PDP2: variants seen among roughly 807,000 people sequenced by gnomAD.
PDP2 encodes the protein pyruvate dehydrogenase phosphatase catalytic subunit 2, also known as [Pyruvate dehydrogenase [acetyl-transferring]]-phosphatase 2, mitochondrial.
PDP2 carries 23 observed loss-of-function variants against 34.2 expected under a neutral mutation model. The ratio of observed to expected loss-of-function variants is 0.67; its 90% confidence interval spans 0.48 to 0.95. The LOEUF is 0.95. Ranked by LOEUF, PDP2 falls within the 40% of genes least tolerant of loss-of-function variation. The pLI, the probability that PDP2 is intolerant of heterozygous loss-of-function variation, is 0.00. For synonymous variants in PDP2, 275 were observed against 269.2 expected, an observed-to-expected ratio of 1.02 and a Z score of -0.21; for missense variants, 571 against 659.6, an observed-to-expected ratio of 0.87 and a Z score of 1.47.
chr16:66,885,987 G>A lies in PDP2; in HGVS notation c.*113G>A. The A allele has an allele frequency of 3.6e-6, 4 of 1,106,800 alleles. No homozygotes were observed. The highest frequency in any genetic ancestry group is 1.6e-5 in the South Asian group (1 of 64,010). The allele number at this position is 1,106,800 out of a possible 1,614,324, so 68.6% of individuals were successfully genotyped here. A position where few individuals can be genotyped will look rare whatever the true frequency, so the allele number is the denominator to read the frequency against. ...TTAAAAGCGCAGGCAGATTTAATTT[G>A]CTAAATAGACTAACAGGAGGAAAAA... On this transcript the variant is annotated 3_prime_UTR_variant, in exon 2 of 2. Coordinates refer to ENST00000311765, the MANE Select transcript of PDP2 (RefSeq NM_020786.4). This position sits in a 1 kb window ranked among gnomAD's most constrained non-coding sequence, Gnocchi z 4.6.
Position 66,884,733 on chromosome 16 carries a change from A to G in PDP2, c.449A>G (p.Gln150Arg), listed in dbSNP as rs1248694484. The G allele has an allele frequency of 1.2e-6, 2 of 1,614,080 alleles. No individual in the cohort carries two copies. The highest frequency in any genetic ancestry group is 1.7e-6 in the Non-Finnish European group (2 of 1,180,046). Residue 150 changes from glutamine to arginine, a missense_variant, in exon 2 of 2, where the codon CAA becomes CGA. Physicochemically the swap from Gln to Arg is conservative, Grantham distance 43 (BLOSUM62 1). Coordinates refer to ENST00000311765, the MANE Select transcript of PDP2 (RefSeq NM_020786.4). ...FDGHGGHACAQAVSERLFYYV... is the reference protein window; with the variant it reads ...FDGHGGHACARAVSERLFYYV... ...GGACATGGTGGTCATGCATGTGCCC[A>G]AGCAGTGAGCGAGAGGCTCTTCTAC...
At chr16:66,882,450 CA>C (rs113896860) in intron 1 of PDP2, among the ~76,000 whole-genome samples, 2 of 145,966 alleles carry the variant, frequency 1.4e-5, no homozygotes, top group Non-Finnish European at 3.0e-5. Context: ...CAAAACAAAA[CA>C]AAAAAAAACC....
At position 66,884,272 on chromosome 16, in the gene PDP2, G is replaced by A. The variant is rs777001384; in HGVS notation, c.-13G>A. The A allele has an allele frequency of 2.0e-6, 3 of 1,533,278 alleles. No individual in the cohort carries two copies. Among genetic ancestry groups the A allele is most frequent in the Non-Finnish European group, 1.8e-6 (2 of 1,136,840 alleles). 95.0% of individuals were successfully genotyped at this position (1,533,278 alleles called of 1,614,324 possible). A position where few individuals can be genotyped will look rare whatever the true frequency, so the allele number is the denominator to read the frequency against. On this transcript the variant is annotated 5_prime_UTR_variant, in exon 2 of 2. Coordinates refer to ENST00000311765, the MANE Select transcript of PDP2 (RefSeq NM_020786.4). ...TTTTGCTGAAGGAACACATTTGCTG[G>A]TATAGTTTCAGAATGTCAAGTACTG...
intron 1 of PDP2, among the ~76,000 whole-genome samples, chr16:66,881,433 A>T (rs374778779): frequency 7.3e-4 from 85 of 116,278 alleles, no homozygotes; most frequent in African/African-American, 3.1e-3. Context: ...TTTTTTTTTA[A>T]TTTAATTTAA....
In PDP2 at chr16:66,885,563, G is replaced by C. The variant is rs773595909; in HGVS notation, c.1279G>C (p.Val427Leu). ...GAGCAATGAGGACGTGGTAAGGCTG[G>C]TGGTGGGGCACCTGGCTGAGGCAGA... is the stretch of plus-strand genomic sequence containing the variant. ...MLSNEDVVRL[V>L]VGHLAEADWH... Residue 427 changes from valine (V) to leucine (L), a missense_variant, in exon 2 of 2, where the codon GTG becomes CTG. Val to Leu is a conservative substitution (Grantham distance 32, BLOSUM62 1). This residue lies in a region of PDP2 where 281 missense variants were observed against 375.8 expected (regional missense o/e 0.75). Transcript: ENST00000311765. The surrounding 1 kb of genome is among the most constrained non-coding windows in gnomAD (Gnocchi z 4.6). 5.0e-6 allele frequency: 8 copies of C among 1,614,128 alleles called. No homozygotes were observed. The highest frequency in any genetic ancestry group is 5.9e-6 in the Non-Finnish European group (7 of 1,180,048).
rs1426362334 is a variant in PDP2 at position 66,890,565 on chromosome 16, A to G, written c.*4691A>G. ...TTGAGTTACTTAAAGAAGATACAGT[A>G]TAATTAATTATACAGAACAAAACAA... is the stretch of plus-strand genomic sequence containing the variant. On this transcript the variant is annotated 3_prime_UTR_variant, in exon 2 of 2. Coordinates refer to ENST00000311765, the MANE Select transcript of PDP2 (RefSeq NM_020786.4). 1 of 152,246 alleles carries G rather than the reference A, an allele frequency of 6.6e-6. No individual in the cohort carries two copies. Among genetic ancestry groups the G allele is most frequent in the Non-Finnish European group, 1.5e-5 (1 of 68,032 alleles). The allele number at this position is 152,246 out of a possible 1,614,324, so 9.4% of individuals were successfully genotyped here. A position where few individuals can be genotyped will look rare whatever the true frequency, so the allele number is the denominator to read the frequency against.
At position 66,884,608 on chromosome 16, in the gene PDP2, G is replaced by A. The variant is rs1309459910; in HGVS notation, c.324G>A (p.Arg108=). 6.2e-7 allele frequency: 1 copy of A among 1,614,258 alleles called. No homozygotes were observed. The highest frequency in any genetic ancestry group is 1.7e-5 in the Admixed American group (1 of 60,034). The change falls in exon 2 of 2, where the codon CGG becomes CGA. Residue 108 remains arginine (R), a synonymous_variant. Coordinates refer to ENST00000311765, the MANE Select transcript of PDP2 (RefSeq NM_020786.4). ...GCAGAGTCCCAAATTCAGTGTTGCG[G>A]TTTGAGAGCAACCAGCTGGCTGCCA... ...LESRVPNSVL[R]FESNQLAANS...
Position 66,886,414 on chromosome 16 carries a change from T to G in PDP2, c.*540T>G, listed in dbSNP as rs1025998856. On this transcript the variant is annotated 3_prime_UTR_variant, in exon 2 of 2. Coordinates refer to ENST00000311765, the MANE Select transcript of PDP2 (RefSeq NM_020786.4). ...CTATGCAATATCCTAACTTTTTTTT[T>G]TGTGATTATGCTTGTGAGAAATTTT... The G allele has an allele frequency of 8.2e-6, 3 of 366,576 alleles. No individual in the cohort carries two copies. The highest frequency in any genetic ancestry group is 1.8e-5 in the Non-Finnish European group (3 of 168,264). The allele number at this position is 366,576 out of a possible 1,614,324, so 22.7% of individuals were successfully genotyped here.
In PDP2 at chr16:66,885,358, G is replaced by A; in HGVS notation, c.1074G>A (p.Glu358=). 1 of 1,614,118 alleles carries A rather than the reference G, an allele frequency of 6.2e-7. No homozygotes were observed. The highest frequency in any genetic ancestry group is 8.5e-7 in the Non-Finnish European group (1 of 1,180,032). ...ATGTTCAGCTGAAGTGGAGTAAAGA[G>A]TTGCAGCGCAGCATTCTGGAGAGGG... is the stretch of plus-strand genomic sequence containing the variant. The part of the protein sequence containing the change: ...FGDVQLKWSK[E]LQRSILERGF... Residue 358 remains glutamate, a synonymous_variant, in exon 2 of 2, where the codon GAG becomes GAA. Transcript: ENST00000311765. The surrounding 1 kb of genome is among the most constrained non-coding windows in gnomAD (Gnocchi z 4.6).
rs990810119 is a variant in PDP2, at chr16:66,885,972, A to C, written c.*98A>C. ...ATCCAAACCTTACTATTAAAAGCGC[A>C]GGCAGATTTAATTTGCTAAATAGAC... On this transcript the variant is annotated 3_prime_UTR_variant, in exon 2 of 2. Transcript: ENST00000311765. This position sits in a 1 kb window ranked among gnomAD's most constrained non-coding sequence, Gnocchi z 4.6. 3.2e-6 allele frequency: 4 copies of C among 1,267,990 alleles called. No homozygotes were observed. Among genetic ancestry groups the C allele is most frequent in the Middle Eastern group, 2.1e-4 (1 of 4,748 alleles). The allele number at this position is 1,267,990 out of a possible 1,614,324, so 78.5% of individuals were successfully genotyped here. A position where few individuals can be genotyped will look rare whatever the true frequency, so the allele number is the denominator to read the frequency against.
intron 1 of PDP2, among the ~76,000 whole-genome samples, chr16:66,881,427 T>TTTTAA (rs1555516127): frequency 3.5e-5 from 5 of 141,310 alleles, no homozygotes; most frequent in African/African-American, 1.1e-4. Context: ...TGTTTTTTTT[T>TTTTAA]TTTTAATTTA....
intron 1 of PDP2, among the ~76,000 whole-genome samples, chr16:66,883,885 A>G (rs1242962431): frequency 6.6e-6 from 1 of 152,132 alleles, no homozygotes; most frequent in Non-Finnish European, 1.5e-5. Flanking sequence ...TTAAGAAATT[A>G]AATTTGTGGC....
At position 66,884,654 on chromosome 16, in the gene PDP2, C is replaced by T. The variant is rs1007410203; in HGVS notation, c.370C>T (p.Arg124Ter). 3.7e-6 allele frequency: 6 copies of T among 1,614,094 alleles called. No homozygotes were observed. The African/African-American group carries it at 5.3e-5, about 14-fold the overall frequency. Residue 124 changes from arginine (R) to a stop codon, truncating the protein, a stop_gained, in exon 2 of 2, where the codon CGA (arginine) becomes TGA (stop). Transcript: ENST00000311765. LOFTEE classifies it high-confidence loss of function. Reference protein sequence around the residue: ...LAANSPVEDRRGVASCLQTNG... With the variant: ...LAANSPVEDR ...TGCCAATTCCCCAGTGGAGGACCGG[C>T]GAGGTGTAGCCTCCTGCCTGCAAAC... is the stretch of plus-strand genomic sequence containing the variant.
At chr16:66,884,188 A>G (rs1388955005) in intron 1 of PDP2, 43 bp from the exon 2 acceptor site, 1 of 1,239,240 alleles carries the variant, frequency 8.1e-7, no homozygotes, top group South Asian at 1.6e-5. Context: ...AAAAAAAAAA[A>G]AAAAAGAAAT....
intron 1 of PDP2, among the ~76,000 whole-genome samples, chr16:66,881,100 G>A (rs534523817): frequency 6.6e-6 from 1 of 152,230 alleles, no homozygotes; most frequent in African/African-American, 2.4e-5. Context: ...TGCACTTAGC[G>A]ATGAGGCTGA....
Position 66,884,607 on chromosome 16 carries a change from G to A in PDP2, c.323G>A (p.Arg108Gln), listed in dbSNP as rs199868679. Residue 108 changes from arginine (R) to glutamine (Q), a missense_variant, in exon 2 of 2, where the codon CGG (arginine) becomes CAG (glutamine). Arg to Gln is a conservative substitution (Grantham distance 43, BLOSUM62 1). Around this residue, in one of 2 missense-constraint regions of PDP2, gnomAD observed 290 missense variants for 283.8 expected, o/e 1.02. Transcript: ENST00000311765. Reference sequence around the variant, plus strand: ...AGCAGAGTCCCAAATTCAGTGTTGCGGTTTGAGAGCAACCAGCTGGCTGCC... The same window carrying A: ...AGCAGAGTCCCAAATTCAGTGTTGCAGTTTGAGAGCAACCAGCTGGCTGCC... ...LESRVPNSVL[R>Q]FESNQLAANS... 6.0e-5 allele frequency: 97 copies of A among 1,614,086 alleles called. No individual in the cohort carries two copies. The highest frequency in any genetic ancestry group is 1.6e-4 in the Middle Eastern group (1 of 6,084).
In PDP2 at chr16:66,889,060, C is replaced by T. The variant is rs1466052115; in HGVS notation, c.*3186C>T. ...TGCTGTCATTGGACTTCTTGAAGCA[C>T]ATGGGCTACTGCCCCAGGACACTGG... On this transcript the variant is annotated 3_prime_UTR_variant, in exon 2 of 2. Transcript: ENST00000311765. 1 of 152,218 alleles carries T rather than the reference C, an allele frequency of 6.6e-6. No homozygotes were observed. Among genetic ancestry groups the T allele is most frequent in the Non-Finnish European group, 1.5e-5 (1 of 68,046 alleles). 9.4% of individuals were successfully genotyped at this position (152,218 alleles called of 1,614,324 possible). A position where few individuals can be genotyped will look rare whatever the true frequency, so the allele number is the denominator to read the frequency against.
chr16:66,883,668 G>A (rs1021101592), intron 1 of PDP2, among the ~76,000 whole-genome samples: 1 of 148,038 alleles, frequency 6.8e-6, no homozygotes, highest in Non-Finnish European at 1.5e-5. Flanking sequence ...GGCTAGTCTC[G>A]AACTCCTGGG....
rs1961752141 is a variant in PDP2, at chr16:66,885,983, A to G, written c.*109A>G. 8.8e-7 allele frequency: 1 copy of G among 1,141,122 alleles called. No homozygotes were observed. Among genetic ancestry groups the G allele is most frequent in the African/African-American group, 1.6e-5 (1 of 64,466 alleles). 70.7% of individuals were successfully genotyped at this position (1,141,122 alleles called of 1,614,324 possible). A position where few individuals can be genotyped will look rare whatever the true frequency, so the allele number is the denominator to read the frequency against. ...ACTATTAAAAGCGCAGGCAGATTTA[A>G]TTTGCTAAATAGACTAACAGGAGGA... On this transcript the variant is annotated 3_prime_UTR_variant, in exon 2 of 2. Transcript: ENST00000311765. This position sits in a 1 kb window ranked among gnomAD's most constrained non-coding sequence, Gnocchi z 4.6.
Sources: gnomAD v4.1 joint callset for allele counts (sites outside exome capture counted in the v4.1 genomes callset) on GRCh38, gnomAD v4.1.1 for gene constraint, gnomAD v4.1.1 regional missense constraint, Gnocchi (gnomAD v3.1) non-coding constraint, MANE v1.5 for transcripts, NCBI Gene and HGNC (gene_info 2026-07-23, HGNC 2026-07-21) for gene names.